ROBO2: variants seen among roughly 807,000 people sequenced by gnomAD.
ROBO2 encodes the protein roundabout guidance receptor 2.
ROBO2 carries 53 observed loss-of-function variants against 160.8 expected under a neutral mutation model. That is an observed-to-expected ratio of 0.33 (90% CI 0.26 to 0.41). The LOEUF (loss-of-function observed/expected upper bound fraction) is 0.41. Ranked by LOEUF, ROBO2 falls within the 10% of genes least tolerant of loss-of-function variation. ROBO2 has a pLI of 1.00. For missense variants in ROBO2, 1,577 were observed against 1,722.4 expected (o/e 0.92, Z 1.49); for synonymous variants, 664 against 611.7 (o/e 1.09, Z -1.26).
At chr3:77,002,519 A>G (rs1002842204) in intron 2 of ROBO2, among the ~76,000 whole-genome samples, 4 of 152,006 alleles carry the variant, frequency 2.6e-5, no homozygotes, top group Admixed American at 6.6e-5. Flanking sequence ...CAAAAATCCA[A>G]TAACTATTAG....
At chr3:77,120,564 G>C (rs375168924) in intron 2 of ROBO2, among the ~76,000 whole-genome samples, 1 of 147,490 alleles carries the variant, frequency 6.8e-6, no homozygotes, top group African/African-American at 2.7e-5. Flanking sequence ...GTGAATTTAA[G>C]ATTAGCCTGA....
chr3:76,242,599 A>AT lies in ROBO2; in HGVS notation c.109+304998dup, dbSNP rs1301916465. ...AAATCTCCGAAGCAAGAAATCCCAC[A>AT]TCTAGGCAGGGCGTGGTGGCTCGGT... On this transcript the variant is annotated intron_variant, in intron 2 of 26. Coordinates refer to the ROBO2 transcript ENST00000487694. Among the ~76,000 whole-genome samples the AT allele has an allele frequency of 5.9e-5, 9 of 152,220 alleles. No homozygotes were observed. In the East Asian group the frequency reaches 1.2e-3, roughly 20 times the overall value.
At chr3:76,789,596 T>C (rs1261276656) in intron 2 of ROBO2, among the ~76,000 whole-genome samples, 3 of 151,618 alleles carry the variant, frequency 2.0e-5, no homozygotes, top group African/African-American at 7.3e-5. Flanking sequence ...TTGGGGAAAA[T>C]GGACTCACAA....
chr3:76,582,731 G>A (rs2085780417), intron 2 of ROBO2, among the ~76,000 whole-genome samples: 1 of 152,054 alleles, frequency 6.6e-6, no homozygotes, highest in South Asian at 2.1e-4. Context: ...GGTCAGTATG[G>A]TTAGAGTCAC....
Position 76,013,432 on chromosome 3 carries a change from A to C in ROBO2, c.109+75830A>C, listed in dbSNP as rs145768658. Among the ~76,000 whole-genome samples, 23 of 149,134 alleles carry C rather than the reference A, an allele frequency of 1.5e-4. No homozygotes were observed. In the East Asian group the frequency reaches 2.4e-3, roughly 15 times the overall value. ...TTATGTGTGTAATCCCAGAAGTAAT[A>C]TGTATAAAGGCATTTGGAGGCTGGG... On this transcript the variant is annotated intron_variant, in intron 2 of 26. Coordinates refer to the ROBO2 transcript ENST00000487694.
At chr3:76,383,384 A>C (rs2076728969) in intron 2 of ROBO2, among the ~76,000 whole-genome samples, 1 of 152,348 alleles carries the variant, frequency 6.6e-6, no homozygotes, top group African/African-American at 2.4e-5. Context: ...AAACAGATTA[A>C]TATTCCCTCT....
At chr3:77,108,251 C>CATATATGTATACACATATGCAT (rs2073091560) in intron 2 of ROBO2, among the ~76,000 whole-genome samples, 1 of 121,438 alleles carries the variant, frequency 8.2e-6, no homozygotes, top group African/African-American at 3.4e-5. Flanking sequence ...TACACATATG[C>CATATATGTATACACATATGCAT]ATATATATGT....
intron 2 of ROBO2, among the ~76,000 whole-genome samples, chr3:76,424,705 T>G (rs1344277052): frequency 6.6e-6 from 1 of 152,194 alleles, no homozygotes; most frequent in African/African-American, 2.4e-5. Context: ...AGGACATCTT[T>G]GGAGTTGATG....
chr3:76,313,948 G>C (rs999474224), intron 2 of ROBO2, among the ~76,000 whole-genome samples: 110 of 152,242 alleles, frequency 7.2e-4, no homozygotes, highest in African/African-American at 2.4e-3. Flanking sequence ...CGTGTGGCCT[G>C]TGAGGAGTGA....
At chr3:76,784,038 C>A (rs2062823527) in intron 2 of ROBO2, among the ~76,000 whole-genome samples, 1 of 150,878 alleles carries the variant, frequency 6.6e-6, no homozygotes, top group Non-Finnish European at 1.5e-5. Flanking sequence ...AGTTGGAACA[C>A]TGTATTCTTC....
At chr3:77,041,737 G>A (rs2064122015) in intron 1 of ROBO2, among the ~76,000 whole-genome samples, 1 of 152,132 alleles carries the variant, frequency 6.6e-6, no homozygotes, top group Non-Finnish European at 1.5e-5. Context: ...AATATTTGCT[G>A]TTAACCTTCT....
At chr3:77,058,195 G>T (rs2065949177) in intron 1 of ROBO2, among the ~76,000 whole-genome samples, 1 of 152,096 alleles carries the variant, frequency 6.6e-6, no homozygotes, top group African/African-American at 2.4e-5. Flanking sequence ...TAGGTGAATA[G>T]AAAACTGAGC....
chr3:76,510,405 A>G (rs1376860039), intron 2 of ROBO2, among the ~76,000 whole-genome samples: 1 of 152,172 alleles, frequency 6.6e-6, no homozygotes, highest in Admixed American at 6.5e-5. Flanking sequence ...TTGAAGTTCT[A>G]TGCTGAAAGT....
At chr3:77,255,559 A>G (rs960261648) in intron 2 of ROBO2, among the ~76,000 whole-genome samples, 2 of 152,178 alleles carry the variant, frequency 1.3e-5, no homozygotes, top group African/African-American at 2.4e-5. Flanking sequence ...CAGGAACCAG[A>G]CAGATTTGGG....
intron 2 of ROBO2, among the ~76,000 whole-genome samples, chr3:77,194,042 G>A (rs2082107437): frequency 6.6e-6 from 1 of 152,140 alleles, no homozygotes; most frequent in African/African-American, 2.4e-5. Context: ...TAAAAGCAAA[G>A]TAACATGTTG....
chr3:76,947,537 A>T (rs1282346995), intron 2 of ROBO2, among the ~76,000 whole-genome samples: 1 of 152,218 alleles, frequency 6.6e-6, no homozygotes, highest in Non-Finnish European at 1.5e-5. Context: ...AAATGCCTGC[A>T]ATCGATGACA....
chr3:76,681,523 A>C (rs1444092320), intron 2 of ROBO2, among the ~76,000 whole-genome samples: 1 of 152,120 alleles, frequency 6.6e-6, no homozygotes, highest in Non-Finnish European at 1.5e-5. Flanking sequence ...TTATAAGCCT[A>C]TTTTGGGTGA....
chr3:76,475,881 C>T (rs767600031), intron 2 of ROBO2, among the ~76,000 whole-genome samples: 25 of 152,122 alleles, frequency 1.6e-4, no homozygotes, highest in Non-Finnish European at 2.9e-4. Context: ...GGCCAGGCAC[C>T]GTGGCTCATG....
At chr3:76,094,873 T>C (rs2069376314) in intron 2 of ROBO2, among the ~76,000 whole-genome samples, 1 of 152,218 alleles carries the variant, frequency 6.6e-6, no homozygotes, top group African/African-American at 2.4e-5. Context: ...CTTTGTACTA[T>C]CAACAAATTT....
Sources: allele counts gnomAD v4.1 joint callset (sites outside exome capture counted in the v4.1 genomes callset), GRCh38; gene constraint gnomAD v4.1.1; transcripts MANE v1.5; gene names NCBI Gene and HGNC (gene_info 2026-07-23, HGNC 2026-07-21).